The following CAGE1 variants were observed in gnomAD, a reference collection of about 807,000 sequenced individuals.
CAGE1 encodes cancer-associated gene 1 protein.
A neutral mutation model predicts 94.9 loss-of-function variants in CAGE1; 66 were observed. The observed-to-expected ratio is 0.70, with a 90% CI of 0.57 to 0.85. CAGE1 has a LOEUF of 0.85. CAGE1 is among the 40% of genes least tolerant of loss of function. CAGE1 has a pLI of 0.00. For missense variants in CAGE1, 865 were observed against 950.4 expected, an observed-to-expected ratio of 0.91 and a Z score of 1.18; for synonymous variants, 319 against 321.0, an observed-to-expected ratio of 0.99 and a Z score of 0.07.
chr6:7,337,581 T>C (rs142974844), intron 11 of CAGE1, among the ~76,000 whole-genome samples: 274 of 152,316 alleles, frequency 1.8e-3, no homozygotes, highest in African/African-American at 6.3e-3. Flanking sequence ...TTTTTGAAAA[T>C]GGGCAATGAT....
Position 7,373,106 on chromosome 6 carries a change from T to G in CAGE1, c.1713A>C (p.Gln571His), listed in dbSNP as rs761517292. Residue 571 changes from glutamine to histidine, a missense_variant, in exon 5 of 14, where the codon CAA becomes CAC. Transcript: ENST00000502583. ...TATCTGACTTCAAGACTTCCTCTAA[T>G]TGATCCTTTAACTGAGCTGTCTCAA... Reference protein sequence around the residue: ...PKFETAQLKDQLEEVLKSDIT... With the variant: ...PKFETAQLKDHLEEVLKSDIT... The G allele has an allele frequency of 6.2e-7, 1 of 1,610,022 alleles. No homozygotes were observed. Among genetic ancestry groups the G allele is most frequent in the South Asian group, 1.1e-5 (1 of 90,232 alleles).
intron 5 of CAGE1, among the ~76,000 whole-genome samples, chr6:7,371,521 G>A (rs1045651891): frequency 1.3e-5 from 2 of 152,114 alleles, no homozygotes; most frequent in African/African-American, 4.8e-5. Context: ...GGTGGCTCAC[G>A]CTTGTAATCC....
At chr6:7,332,135 A>T (rs994071205) in intron 12 of CAGE1, among the ~76,000 whole-genome samples, 3 of 152,160 alleles carry the variant, frequency 2.0e-5, no homozygotes, top group African/African-American at 7.2e-5. Flanking sequence ...TAGCTGATGG[A>T]CACCACTGTC....
intron 11 of CAGE1, among the ~76,000 whole-genome samples, chr6:7,345,207 T>G (rs1457495854): frequency 6.8e-6 from 1 of 147,564 alleles, no homozygotes; most frequent in African/African-American, 2.6e-5. Flanking sequence ...TTTCACTCTT[T>G]GAAGTTAGTA....
At chr6:7,357,983 G>A (rs1173401124) in intron 9 of CAGE1, among the ~76,000 whole-genome samples, 43 of 137,930 alleles carry the variant, frequency 3.1e-4, no homozygotes, top group African/African-American at 8.4e-4. Context: ...TAGTAGAGAC[G>A]GGGTTTCACC....
At chr6:7,376,389 AAAATAAATAAATAAATAAATAAAT>A (rs200068860) in intron 4 of CAGE1, among the ~76,000 whole-genome samples, 141 of 141,660 alleles carry the variant, frequency 1.0e-3, no homozygotes, top group African/African-American at 3.5e-3. Context: ...ACTCCATCTC[AAAATAAATAAATAAATAAATAAAT>A]AAATAAATAA....
chr6:7,370,371 G>T (rs1760498262), intron 5 of CAGE1, among the ~76,000 whole-genome samples: 2 of 152,066 alleles, frequency 1.3e-5, no homozygotes, highest in South Asian at 4.1e-4. Flanking sequence ...ATGGCTCACT[G>T]CAGCCTCAAA....
chr6:7,328,918 G>GTGTGTGTGTA (rs1328152228), intron 13 of CAGE1, among the ~76,000 whole-genome samples: 5 of 44,000 alleles, frequency 1.1e-4, no homozygotes, highest in African/African-American at 3.5e-4. Flanking sequence ...GTGTGTGTGT[G>GTGTGTGTGTA]TATATATATA....
At chr6:7,330,664 G>A (rs564874786) in intron 12 of CAGE1, among the ~76,000 whole-genome samples, 83 of 152,212 alleles carry the variant, frequency 5.5e-4, no homozygotes, top group Middle Eastern at 6.8e-3. Flanking sequence ...TTTGAGTGCC[G>A]AATATACTGA....
intron 1 of CAGE1, among the ~76,000 whole-genome samples, chr6:7,388,032 CAAAAAA>C (rs70978963): frequency 4.6e-5 from 3 of 64,968 alleles, no homozygotes; most frequent in African/African-American, 1.1e-4. Context: ...GACTCCATCT[CAAAAAA>C]AAAAAAAAAA....
chr6:7,389,185 T>C lies in CAGE1; in HGVS notation c.-24+17A>G. 1 of 446,744 alleles carries C rather than the reference T, an allele frequency of 2.2e-6. No individual in the cohort carries two copies. The highest frequency in any genetic ancestry group is 4.5e-6 in the Non-Finnish European group (1 of 221,502). 27.7% of individuals were successfully genotyped at this position (446,744 alleles called of 1,614,324 possible). A position where few individuals can be genotyped will look rare whatever the true frequency, so the allele number is the denominator to read the frequency against. On this transcript the variant is annotated intron_variant, in intron 1 of 13. Coordinates refer to ENST00000502583, the MANE Select transcript of CAGE1 (RefSeq NM_001170692.2). ...AGTTTTGTTTAAAAGCTTTTTCAGT[T>C]GTAAGACAAACTTTACCTTTTTAAA... is the stretch of plus-strand genomic sequence containing the variant.
intron 11 of CAGE1, among the ~76,000 whole-genome samples, chr6:7,345,991 A>G (rs1474145221): frequency 6.6e-6 from 1 of 152,174 alleles, no homozygotes; most frequent in Non-Finnish European, 1.5e-5. Flanking sequence ...ACTCTATTAA[A>G]TTTTAGCAGA....
chr6:7,339,049 G>A lies in CAGE1; in HGVS notation c.2370-4959C>T. 6.2e-7 allele frequency: 1 copy of A among 1,605,780 alleles called. No individual in the cohort carries two copies. The highest frequency in any genetic ancestry group is 8.5e-7 in the Non-Finnish European group (1 of 1,174,058). On this transcript the variant is annotated intron_variant, in intron 11 of 13. Transcript: ENST00000502583. This position sits in a 1 kb window ranked among gnomAD's most constrained non-coding sequence, Gnocchi z 4.7. ...AGCACACTCTGTCTGAGCAACACATGGCGCACAGCAGTGTCAACGTAGTAG... is the reference window on the plus strand; with the variant it reads ...AGCACACTCTGTCTGAGCAACACATAGCGCACAGCAGTGTCAACGTAGTAG...
At chr6:7,353,679 CTG>C in intron 11 of CAGE1, among the ~76,000 whole-genome samples, 1 of 146,480 alleles carries the variant, frequency 6.8e-6, no homozygotes, top group Middle Eastern at 3.4e-3. Context: ...GATAAAGAAA[CTG>C]TTATTATATA....
At chr6:7,369,714 G>A (rs1157234967) in intron 6 of CAGE1, among the ~76,000 whole-genome samples, 1 of 152,180 alleles carries the variant, frequency 6.6e-6, no homozygotes, top group Non-Finnish European at 1.5e-5. Context: ...CTCTACGCTT[G>A]TGAGCATTAG....
intron 1 of CAGE1, 60 bp downstream of exon 1, chr6:7,389,142 G>A (rs1391956260): frequency 1.8e-5 from 7 of 399,462 alleles, no homozygotes; most frequent in Non-Finnish European, 3.6e-5. Flanking sequence ...TGTCACGGGA[G>A]TTACTCGCAA....
chr6:7,358,705 G>C (rs1355720250), intron 9 of CAGE1, among the ~76,000 whole-genome samples: 1 of 152,118 alleles, frequency 6.6e-6, no homozygotes, highest in Non-Finnish European at 1.5e-5. Flanking sequence ...ATTAGCTAGG[G>C]CTGGTGATGT....
Position 7,373,981 on chromosome 6 carries a change from A to G in CAGE1, c.838T>C (p.Cys280Arg). 3 of 1,614,026 alleles carry G rather than the reference A, an allele frequency of 1.9e-6. No homozygotes were observed. Among genetic ancestry groups the G allele is most frequent in the Non-Finnish European group, 2.5e-6 (3 of 1,179,888 alleles). Residue 280 changes from cysteine to arginine, a missense_variant, in exon 5 of 14, where the codon TGT becomes CGT. Cys to Arg is a radical substitution (Grantham distance 180). Transcript: ENST00000502583. ...TCAGGCATCTCACAGTTCTCCCGAC[A>G]TGCTTCACTCCTCCAGGAAATGCCT... ...SAGISWRSEA[C>R]RENCEMPDWE... is the part of the protein sequence containing the mutation.
At position 7,360,852 on chromosome 6, in the gene CAGE1, C is replaced by T. The variant is rs147737768; in HGVS notation, c.2193+4616G>A. 2.3e-4 allele frequency among the ~76,000 whole-genome samples: 35 copies of T among 152,196 alleles called. 1 individual carries two copies. The East Asian group carries it at 6.8e-3, about 29-fold the overall frequency. On this transcript the variant is annotated intron_variant, in intron 9 of 13. Transcript: ENST00000502583. ...TTCTCAGCTACTTGGGAGGCTGAGG[C>T]AGGAGAATCACTTGAACCCGGGAGG...
Sources: gnomAD v4.1 joint callset for allele counts (sites outside exome capture counted in the v4.1 genomes callset) on GRCh38, gnomAD v4.1.1 for gene constraint, Gnocchi (gnomAD v3.1) non-coding constraint, MANE v1.5 for transcripts, NCBI Gene and HGNC (gene_info 2026-07-23, HGNC 2026-07-21) for gene names.